Variants in VSTM2L observed in about 807,000 individuals in gnomAD.
VSTM2L encodes V-set and transmembrane domain-containing protein 2-like protein.
In VSTM2L, 9 loss-of-function variants were observed where a neutral mutation model predicts 19.9. The observed-to-expected ratio is 0.45, with a 90% CI of 0.27 to 0.79. The LOEUF is 0.79. VSTM2L is among the 30% of genes least tolerant of loss of function. VSTM2L has a pLI of 0.15. For synonymous variants in VSTM2L, 127 were observed against 133.8 expected (o/e 0.95, Z 0.35); for missense variants, 286 against 295.5 (o/e 0.97, Z 0.24).
intron 1 of VSTM2L, among the ~76,000 whole-genome samples, 159 bp downstream of exon 1, chr20:37,903,630 C>T (rs771277462): frequency 4.0e-4 from 61 of 152,148 alleles, no homozygotes; most frequent in Admixed American, 8.5e-4. Flanking sequence ...GCACCCTGGC[C>T]CTGCAGAGAA....
intron 3 of VSTM2L, among the ~76,000 whole-genome samples, chr20:37,939,929 C>T (rs1296528211): frequency 6.6e-6 from 1 of 152,156 alleles, no homozygotes; most frequent in Non-Finnish European, 1.5e-5. Context: ...CTGAAGGCCA[C>T]ATCTGTCTCT....
intron 1 of VSTM2L, among the ~76,000 whole-genome samples, chr20:37,920,248 G>C (rs2072842770): frequency 6.6e-6 from 1 of 152,228 alleles, no homozygotes; most frequent in South Asian, 2.1e-4. Context: ...ACATGTCCCT[G>C]AGCCTCAGTT....
rs1196691159 is a variant in VSTM2L, at chr20:37,903,361, C to T, written c.11C>T (p.Pro4Leu). The change falls in exon 1 of 4, where the codon CCG becomes CTG. Residue 4 changes from proline to leucine, a missense_variant. By Grantham distance (98) the Pro-to-Leu change is moderately conservative. Coordinates refer to ENST00000373461, the MANE Select transcript of VSTM2L (RefSeq NM_080607.3). MGA[P>L]LAVALGALHY... Reference sequence around the variant, plus strand: ...GCCCGAGAGCGCACGATGGGGGCCCCGCTCGCCGTAGCGCTGGGCGCCCTC... The same window carrying T: ...GCCCGAGAGCGCACGATGGGGGCCCTGCTCGCCGTAGCGCTGGGCGCCCTC... 2 of 1,470,246 alleles carry T rather than the reference C, an allele frequency of 1.4e-6. No homozygotes were observed. Among genetic ancestry groups the T allele is most frequent in the Non-Finnish European group, 9.0e-7 (1 of 1,116,930 alleles). 91.1% of individuals were successfully genotyped at this position (1,470,246 alleles called of 1,614,324 possible).
intron 1 of VSTM2L, among the ~76,000 whole-genome samples, chr20:37,913,616 G>A (rs2072792916): frequency 6.6e-6 from 1 of 152,228 alleles, no homozygotes. Flanking sequence ...GGTCTCTAGA[G>A]GGAGCTCACT....
intron 3 of VSTM2L, among the ~76,000 whole-genome samples, chr20:37,935,462 G>T (rs1291738950): frequency 1.3e-5 from 2 of 152,054 alleles, no homozygotes; most frequent in Admixed American, 1.3e-4. Flanking sequence ...CTCACCTCTT[G>T]CCTGACCTCA....
intron 2 of VSTM2L, among the ~76,000 whole-genome samples, chr20:37,933,057 G>A (rs915175224): frequency 6.6e-6 from 1 of 152,252 alleles, no homozygotes; most frequent in Non-Finnish European, 1.5e-5. Flanking sequence ...ATCGTTGCAG[G>A]TATCTGCGGT....
rs760271522 is a variant in VSTM2L, at chr20:37,931,663, G to A, written c.150G>A (p.Met50Ile). 41 of 1,613,196 alleles carry A rather than the reference G, an allele frequency of 2.5e-5. No individual in the cohort carries two copies. Among genetic ancestry groups the A allele is most frequent in the Non-Finnish European group, 2.5e-6 (3 of 1,180,010 alleles). The change falls in exon 2 of 4, where the codon ATG becomes ATA. Residue 50 changes from methionine (M) to isoleucine (I), a missense_variant. Coordinates refer to ENST00000373461, the MANE Select transcript of VSTM2L (RefSeq NM_080607.3). ...TGTTCACAGAGACACCCCATGACATGACAGCACGGACGGGCGAGGACGTGG... is the reference window on the plus strand; with the variant it reads ...TGTTCACAGAGACACCCCATGACATAACAGCACGGACGGGCGAGGACGTGG... ...HALFTETPHD[M>I]TARTGEDVEM...
At chr20:37,906,203 A>G (rs1311996545) in intron 1 of VSTM2L, among the ~76,000 whole-genome samples, 1 of 152,114 alleles carries the variant, frequency 6.6e-6, no homozygotes, top group Non-Finnish European at 1.5e-5. Context: ...TGTCACAGGG[A>G]AAGCCTGCGG....
intron 3 of VSTM2L, among the ~76,000 whole-genome samples, chr20:37,940,906 G>T (rs898976136): frequency 6.6e-6 from 1 of 152,184 alleles, no homozygotes; most frequent in African/African-American, 2.4e-5. Context: ...ACAGCATGGA[G>T]AAAACTGTCC....
At chr20:37,943,364 C>G (rs1005411888) in intron 3 of VSTM2L, among the ~76,000 whole-genome samples, 13 of 151,916 alleles carry the variant, frequency 8.6e-5, no homozygotes, top group African/African-American at 2.9e-4. Context: ...AAGCCTCAAA[C>G]TCCTGGGCTC....
At chr20:37,928,647 CG>C (rs1355917547) in intron 1 of VSTM2L, among the ~76,000 whole-genome samples, 1 of 152,022 alleles carries the variant, frequency 6.6e-6, no homozygotes, top group Non-Finnish European at 1.5e-5. Context: ...TCCAGCTACT[CG>C]GGGGGCTGAG....
At position 37,944,316 on chromosome 20, in the gene VSTM2L, G is replaced by A. The variant is rs2072994811; in HGVS notation, c.*63G>A. 7.4e-7 allele frequency: 1 copy of A among 1,354,476 alleles called. No individual in the cohort carries two copies. Among genetic ancestry groups the A allele is most frequent in the South Asian group, 1.7e-5 (1 of 57,278 alleles). 83.9% of individuals were successfully genotyped at this position (1,354,476 alleles called of 1,614,324 possible). A position where few individuals can be genotyped will look rare whatever the true frequency, so the allele number is the denominator to read the frequency against. ...GTACAGAGTGCATGAGGAGCCGCCG[G>A]ACCACCGGGGACCGACTGCCTGCGT... On this transcript the variant is annotated 3_prime_UTR_variant, in exon 4 of 4. Transcript: ENST00000373461.
chr20:37,921,767 G>A (rs2072852282), intron 1 of VSTM2L, among the ~76,000 whole-genome samples: 1 of 151,590 alleles, frequency 6.6e-6, no homozygotes. Context: ...AGTTGAAGAT[G>A]CGGGGAGGGA....
At chr20:37,940,356 A>G (rs1327403152) in intron 3 of VSTM2L, among the ~76,000 whole-genome samples, 1 of 151,966 alleles carries the variant, frequency 6.6e-6, no homozygotes, top group Non-Finnish European at 1.5e-5. Flanking sequence ...GCCATGGGGA[A>G]GTCCTGCCTG....
At chr20:37,941,569 G>A (rs1435770634) in intron 3 of VSTM2L, among the ~76,000 whole-genome samples, 1 of 152,210 alleles carries the variant, frequency 6.6e-6, no homozygotes, top group Non-Finnish European at 1.5e-5. Flanking sequence ...CCCCCTCACT[G>A]CAGGGGTGAC....
intron 3 of VSTM2L, among the ~76,000 whole-genome samples, chr20:37,936,056 T>TG (rs1336107673): frequency 1.3e-5 from 2 of 150,680 alleles, no homozygotes; most frequent in African/African-American, 4.9e-5. Flanking sequence ...AGCTAATTTT[T>TG]TTTTTTTTTT....
At chr20:37,916,689 G>C (rs144517812) in intron 1 of VSTM2L, among the ~76,000 whole-genome samples, 114 of 152,300 alleles carry the variant, frequency 7.5e-4, no homozygotes, top group African/African-American at 2.4e-3. Flanking sequence ...CCACTTCCCA[G>C]GTTGTTTTGG....
At chr20:37,922,960 C>T (rs369521501) in intron 1 of VSTM2L, among the ~76,000 whole-genome samples, 1 of 149,152 alleles carries the variant, frequency 6.7e-6, no homozygotes, top group African/African-American at 2.6e-5. Context: ...GACAAGGAAG[C>T]AACTTTAGCC....
chr20:37,943,923 T>G, intron 3 of VSTM2L, 58 bp from the exon 4 acceptor site: 128 of 216,498 alleles, frequency 5.9e-4, no homozygotes, highest in Non-Finnish European at 7.2e-4. Flanking sequence ...CCCCCCCGAC[T>G]CTTCTTCTCC....
Sources: gnomAD v4.1 joint callset for allele counts (sites outside exome capture counted in the v4.1 genomes callset) on GRCh38, gnomAD v4.1.1 for gene constraint, MANE v1.5 for transcripts, NCBI Gene and HGNC (gene_info 2026-07-23, HGNC 2026-07-21) for gene names.